Variants in TCAIM observed in about 807,000 individuals in gnomAD.
TCAIM encodes T cell activation inhibitor, mitochondrial, also known as T-cell activation inhibitor, mitochondrial.
A neutral mutation model predicts 58.6 loss-of-function variants in TCAIM; 36 were observed. The ratio of observed to expected loss-of-function variants is 0.61; its 90% CI spans 0.47 to 0.81. TCAIM has a LOEUF of 0.81. Among genes scored for constraint, TCAIM ranks in the 30% least tolerant of loss-of-function variants. The pLI is 0.00. For synonymous variants in TCAIM, 172 were observed against 193.6 expected (o/e 0.89, Z 0.93); for missense variants, 466 against 579.6 (o/e 0.80, Z 2.01).
chr3:44,379,883 TTATATC>T (rs1248086664), intron 5 of TCAIM, among the ~76,000 whole-genome samples: 13 of 152,046 alleles, frequency 8.6e-5, no homozygotes, highest in African/African-American at 2.9e-4. Flanking sequence ...AAAGTTAAAA[TTATATC>T]TAGGGAAGAG....
chr3:44,344,872 G>C (rs895069986), intron 1 of TCAIM, among the ~76,000 whole-genome samples: 136 of 152,194 alleles, frequency 8.9e-4, no homozygotes, highest in African/African-American at 3.2e-3. Flanking sequence ...AAGGTGCTCA[G>C]TCGGGGAGCT....
At chr3:44,343,169 C>A (rs1391854425) in intron 1 of TCAIM, among the ~76,000 whole-genome samples, 1 of 151,726 alleles carries the variant, frequency 6.6e-6, no homozygotes, top group Non-Finnish European at 1.5e-5. Flanking sequence ...TTTGGTGTTA[C>A]AACAGACTTT....
intron 5 of TCAIM, among the ~76,000 whole-genome samples, chr3:44,374,534 T>C (rs183658058): frequency 1.3e-5 from 2 of 152,232 alleles, no homozygotes; most frequent in Admixed American, 1.3e-4. Flanking sequence ...GGCGGGAGGA[T>C]TGCTTGAGGC....
chr3:44,392,428 G>A (rs561667819), intron 5 of TCAIM, among the ~76,000 whole-genome samples: 3 of 151,982 alleles, frequency 2.0e-5, no homozygotes, highest in Non-Finnish European at 4.4e-5. Context: ...CTGTTACCTA[G>A]GTACTAAGCC....
chr3:44,376,924 T>A (rs2125643181), intron 5 of TCAIM, among the ~76,000 whole-genome samples: 1 of 151,982 alleles, frequency 6.6e-6, no homozygotes, highest in East Asian at 1.9e-4. Flanking sequence ...CCATCTCTAC[T>A]AAAAAATACA....
intron 2 of TCAIM, among the ~76,000 whole-genome samples, chr3:44,357,318 C>A (rs1701213341): frequency 6.6e-6 from 1 of 151,618 alleles, no homozygotes; most frequent in Admixed American, 6.6e-5. Context: ...TGCACTCCAG[C>A]CTGGGCAACA....
At chr3:44,370,750 C>CT (rs60626140) in intron 5 of TCAIM, among the ~76,000 whole-genome samples, 22,968 of 72,488 alleles carry the variant, frequency 0.32, 2,242 homozygotes, top group Middle Eastern at 0.48. Context: ...TTCTTTCTTT[C>CT]TTTCTTTTTT....
At chr3:44,379,075 A>C (rs149134207) in intron 5 of TCAIM, among the ~76,000 whole-genome samples, 1,430 of 124,912 alleles carry the variant, frequency 0.011, 13 homozygotes, top group Non-Finnish European at 0.014. Flanking sequence ...CAGGAGGATC[A>C]CTTGAGCCTG....
intron 5 of TCAIM, among the ~76,000 whole-genome samples, chr3:44,368,892 A>G (rs1701421392): frequency 6.6e-6 from 1 of 152,116 alleles, no homozygotes; most frequent in African/African-American, 2.4e-5. Context: ...GCATGGTGGT[A>G]CACATTTGTA....
At chr3:44,374,746 G>C (rs1214049279) in intron 5 of TCAIM, among the ~76,000 whole-genome samples, 5 of 152,150 alleles carry the variant, frequency 3.3e-5, no homozygotes, top group Non-Finnish European at 7.3e-5. Flanking sequence ...GGGTGACAGA[G>C]TGAGACCCTG....
chr3:44,365,447 G>A (rs1701358586), intron 4 of TCAIM, among the ~76,000 whole-genome samples: 1 of 151,966 alleles, frequency 6.6e-6, no homozygotes, highest in Admixed American at 6.6e-5. Context: ...TCCTGCCTCA[G>A]CCTCCCGAGT....
chr3:44,345,636 G>C (rs1700951092), intron 1 of TCAIM, among the ~76,000 whole-genome samples: 1 of 152,168 alleles, frequency 6.6e-6, no homozygotes, highest in Non-Finnish European at 1.5e-5. Flanking sequence ...GGCTAGGAGA[G>C]AGTGAGTGAG....
chr3:44,339,393 A>G (rs986817615), intron 1 of TCAIM, among the ~76,000 whole-genome samples: 3 of 152,186 alleles, frequency 2.0e-5, no homozygotes, highest in Admixed American at 6.5e-5. Flanking sequence ...TCAAAGCTCA[A>G]TCCTGAGAGC....
At chr3:44,356,711 A>G (rs1272383282) in intron 2 of TCAIM, among the ~76,000 whole-genome samples, 2 of 151,776 alleles carry the variant, frequency 1.3e-5, no homozygotes, top group African/African-American at 4.8e-5. Context: ...CATGCCTGCA[A>G]TCCCAGTACT....
In TCAIM at chr3:44,409,102, T is replaced by C. The variant is rs1702143489; in HGVS notation, c.*1420T>C. ...TGTTAAAATAAGTTCTTGAAGTATG[T>C]TTTATATTTATCTAAAACACTGATT... On this transcript the variant is annotated 3_prime_UTR_variant, in exon 11 of 11. Coordinates refer to ENST00000342649, the MANE Select transcript of TCAIM (RefSeq NM_173826.4). 4 of 152,222 alleles carry C rather than the reference T, an allele frequency of 2.6e-5. No homozygotes were observed. Among genetic ancestry groups the C allele is most frequent in the Non-Finnish European group, 5.9e-5 (4 of 68,036 alleles). The allele number at this position is 152,222 out of a possible 1,614,324, so 9.4% of individuals were successfully genotyped here.
At chr3:44,362,509 A>G in intron 4 of TCAIM, 1 of 400,694 alleles carries the variant, frequency 2.5e-6, no homozygotes. Flanking sequence ...AGGGACTAGT[A>G]TTTGATAGTA....
rs1702018226 is a variant in TCAIM at position 44,401,273 on chromosome 3, C to A, written c.1189C>A (p.Leu397Ile). The A allele has an allele frequency of 6.2e-7, 1 of 1,614,046 alleles. No individual in the cohort carries two copies. The highest frequency in any genetic ancestry group is 8.5e-7 in the Non-Finnish European group (1 of 1,180,004). Residue 397 changes from leucine to isoleucine, a missense_variant, in exon 10 of 11, where the codon CTC (leucine) becomes ATC (isoleucine). Coordinates refer to ENST00000342649, the MANE Select transcript of TCAIM (RefSeq NM_173826.4). ...NIPTLCDPAN[L>I]QWFILTKAQQ... ...TCCAACACTCTGTGATCCAGCAAAT[C>A]TCCAGTGGTTTATTCTCACCAAAGC...
intron 5 of TCAIM, among the ~76,000 whole-genome samples, chr3:44,370,041 T>C (rs563382914): frequency 2.0e-5 from 3 of 151,890 alleles, no homozygotes; most frequent in Non-Finnish European, 4.4e-5. Context: ...ATACATTGTC[T>C]TAAGGAAAAT....
At position 44,344,688 on chromosome 3, in the gene TCAIM, A is replaced by G. The variant is rs550982974; in HGVS notation, c.-45+5854A>G. 2.6e-5 allele frequency among the ~76,000 whole-genome samples: 4 copies of G among 152,284 alleles called. No individual in the cohort carries two copies. In the East Asian group the frequency reaches 7.8e-4, roughly 30 times the overall value. On this transcript the variant is annotated intron_variant, in intron 1 of 10. Transcript: ENST00000342649. Reference sequence around the variant, plus strand: ...CACGCGTCCGTGTGAAGAGACCACCAAACAGGCTTGGAGAGAGCAATGAAG... The same window carrying G: ...CACGCGTCCGTGTGAAGAGACCACCGAACAGGCTTGGAGAGAGCAATGAAG...
Sources: allele counts gnomAD v4.1 joint callset (sites outside exome capture counted in the v4.1 genomes callset), GRCh38; gene constraint gnomAD v4.1.1; transcripts MANE v1.5; gene names NCBI Gene and HGNC (gene_info 2026-07-23, HGNC 2026-07-21).